The following ARHGAP20 variants were observed in gnomAD, a reference collection of about 807,000 sequenced individuals.
ARHGAP20 encodes Rho GTPase activating protein 20.
Under a neutral mutation model 73.7 loss-of-function variants are expected in ARHGAP20, and 34 were observed. The ratio of observed to expected loss-of-function variants is 0.46; its 90% CI spans 0.35 to 0.61. The LOEUF (loss-of-function observed/expected upper bound fraction) is 0.61, where lower values mean the gene tolerates loss of function less well. Among genes scored for constraint, ARHGAP20 ranks in the 20% least tolerant of loss-of-function variants. The pLI is 0.00. For missense variants in ARHGAP20, 1,314 were observed against 1,420.9 expected (o/e 0.92, Z 1.21); for synonymous variants, 523 against 518.2 (o/e 1.01, Z -0.13).
chr11:110,581,944 A>C (rs998668270), intron 14 of ARHGAP20, among the ~76,000 whole-genome samples: 11 of 152,168 alleles, frequency 7.2e-5, no homozygotes, highest in Admixed American at 2.0e-4. Context: ...AAAAAAAAAA[A>C]AAAACATTCA....
At chr11:110,708,008 T>C (rs1264320026) in intron 1 of ARHGAP20, among the ~76,000 whole-genome samples, 2 of 151,580 alleles carry the variant, frequency 1.3e-5, no homozygotes, top group African/African-American at 4.8e-5. Context: ...TCACCAAAAA[T>C]AAGAACTTCC....
chr11:110,585,377 AT>A (rs1340169979), intron 12 of ARHGAP20, among the ~76,000 whole-genome samples: 1 of 151,856 alleles, frequency 6.6e-6, no homozygotes, highest in African/African-American at 2.4e-5. Flanking sequence ...CCAAACTATA[AT>A]GGAAGTGGAG....
chr11:110,641,275 T>C (rs1297148246), intron 2 of ARHGAP20, among the ~76,000 whole-genome samples: 2 of 152,050 alleles, frequency 1.3e-5, no homozygotes, highest in Admixed American at 6.6e-5. Context: ...AGGACACTAA[T>C]ACACAGAGTC....
intron 2 of ARHGAP20, among the ~76,000 whole-genome samples, chr11:110,643,222 ACTT>A (rs1337916849): frequency 6.6e-6 from 1 of 152,080 alleles, no homozygotes; most frequent in East Asian, 1.9e-4. Context: ...CAAAAAATCA[ACTT>A]CTGGTTTTAC....
At chr11:110,583,885 T>C in intron 12 of ARHGAP20, 148 bp from the exon 13 acceptor site, 1 of 574,184 alleles carries the variant, frequency 1.7e-6, no homozygotes, top group Non-Finnish European at 2.7e-6. Context: ...CCATACAAAG[T>C]GAGGACTGCC....
chr11:110,581,833 T>G (rs1397825590), intron 14 of ARHGAP20, among the ~76,000 whole-genome samples: 1 of 151,776 alleles, frequency 6.6e-6, no homozygotes, highest in African/African-American at 2.4e-5. Flanking sequence ...TCGAATTCAG[T>G]GTTCCCCCAC....
At chr11:110,670,188 T>A (rs1337841647) in intron 2 of ARHGAP20, among the ~76,000 whole-genome samples, 1 of 152,092 alleles carries the variant, frequency 6.6e-6, no homozygotes. Flanking sequence ...AATCACACAC[T>A]TTATGTGTGC....
At chr11:110,611,088 T>C (rs1948356192) in intron 7 of ARHGAP20, among the ~76,000 whole-genome samples, 2 of 152,122 alleles carry the variant, frequency 1.3e-5, no homozygotes, top group Non-Finnish European at 2.9e-5. Flanking sequence ...AGTCCAATCT[T>C]ATAATTTTCA....
chr11:110,648,153 T>TGTA (rs1369723122), intron 2 of ARHGAP20, among the ~76,000 whole-genome samples: 3 of 118,514 alleles, frequency 2.5e-5, no homozygotes, highest in Admixed American at 2.0e-4. Flanking sequence ...GTGATATATA[T>TGTA]AATATATATA....
At chr11:110,711,465 A>T (rs1950654128) in intron 1 of ARHGAP20, among the ~76,000 whole-genome samples, 1 of 133,182 alleles carries the variant, frequency 7.5e-6, no homozygotes, top group Non-Finnish European at 1.5e-5. Context: ...ATGTCCCCGT[A>T]GTGTCGAGCG....
chr11:110,593,107 C>A (rs529800253), intron 9 of ARHGAP20, among the ~76,000 whole-genome samples: 1 of 152,154 alleles, frequency 6.6e-6, no homozygotes, highest in East Asian at 1.9e-4. Flanking sequence ...AAGATTTTAA[C>A]AGATAGAGCA....
rs185210736 is a variant in ARHGAP20, at chr11:110,654,714, A to T, written c.189-23922T>A. Among the ~76,000 whole-genome samples the T allele has an allele frequency of 4.7e-4, 72 of 152,342 alleles. 1 individual carries two copies. The highest frequency in any genetic ancestry group is 3.4e-3 in the Middle Eastern group (1 of 294). ...TCTGATTTATTTCCAGACTGTGAGA[A>T]GTTTATTGCAATGCTATAAGGTCCT... is the stretch of plus-strand genomic sequence containing the variant. On this transcript the variant is annotated intron_variant, in intron 2 of 14. Transcript: ENST00000683387.
intron 9 of ARHGAP20, among the ~76,000 whole-genome samples, chr11:110,603,617 C>A (rs974035892): frequency 6.6e-6 from 1 of 152,154 alleles, no homozygotes; most frequent in Non-Finnish European, 1.5e-5. Context: ...GTTTTACCAA[C>A]CTCGATGCAA....
At chr11:110,611,818 C>T (rs986520551) in intron 6 of ARHGAP20, among the ~76,000 whole-genome samples, 3 of 151,744 alleles carry the variant, frequency 2.0e-5, no homozygotes, top group African/African-American at 7.3e-5. Context: ...TTTCACAATA[C>T]GTTTTATTTC....
intron 9 of ARHGAP20, among the ~76,000 whole-genome samples, chr11:110,604,553 G>T (rs529594170): frequency 6.6e-6 from 1 of 152,084 alleles, no homozygotes; most frequent in Non-Finnish European, 1.5e-5. Flanking sequence ...AAGAGTAGAA[G>T]ATTATTATTC....
intron 2 of ARHGAP20, among the ~76,000 whole-genome samples, chr11:110,679,560 C>T (rs749420910): frequency 1.3e-5 from 2 of 152,336 alleles, no homozygotes; most frequent in Non-Finnish European, 2.9e-5. Flanking sequence ...TGTTCAAGAA[C>T]ATTCATACTG....
Position 110,580,658 on chromosome 11 carries a change from G to C in ARHGAP20, c.2288C>G (p.Thr763Arg), listed in dbSNP as rs552286123. 1.1e-5 allele frequency: 17 copies of C among 1,614,186 alleles called. No individual in the cohort carries two copies. In the South Asian group the frequency reaches 1.8e-4, roughly 17 times the overall value. ...GKTCFKQSLV[T>R]GTDVSKKNAT... ...ATTTTTCTTGCTGACATCAGTGCCT[G>C]TGACTAAACTCTGTTTAAAACATGT... The change falls in exon 15 of 15, where the codon ACA becomes AGA. Residue 763 changes from threonine to arginine, a missense_variant. Physicochemically the swap from Thr to Arg is moderately conservative, Grantham distance 71. This residue lies in a region of ARHGAP20 where 641 missense variants were observed against 636.9 expected (regional missense o/e 1.01). Coordinates refer to ENST00000683387, the MANE Select transcript of ARHGAP20 (RefSeq NM_001384657.1).
At chr11:110,592,568 C>T (rs537018830) in intron 9 of ARHGAP20, among the ~76,000 whole-genome samples, 1 of 150,348 alleles carries the variant, frequency 6.7e-6, no homozygotes, top group Admixed American at 6.6e-5. Flanking sequence ...TAGTTAAATA[C>T]TGAGAAAAAA....
In ARHGAP20 at chr11:110,620,376, C is replaced by A. The variant is rs76404925; in HGVS notation, c.503+3786G>T. ...ATATTGACCAGTTTGGCCTCAAACT[C>A]CCCCCCTCAAGTGATCCTCTCACCT... On this transcript the variant is annotated intron_variant, in intron 4 of 14. Transcript: ENST00000683387. Among the ~76,000 whole-genome samples, 52 of 152,100 alleles carry A rather than the reference C, an allele frequency of 3.4e-4. No homozygotes were observed. The East Asian group carries it at 9.7e-3, about 28-fold the overall frequency.
Sources: allele counts gnomAD v4.1 joint callset (sites outside exome capture counted in the v4.1 genomes callset), GRCh38; gene constraint gnomAD v4.1.1; regional missense constraint gnomAD v4.1.1; transcripts MANE v1.5; gene names NCBI Gene and HGNC (gene_info 2026-07-23, HGNC 2026-07-21).